Variants in DOCK3 observed in about 807,000 individuals in gnomAD.
The protein encoded by DOCK3 is dedicator of cytokinesis 3.
DOCK3 carries 60 observed loss-of-function variants against 265.6 expected under a neutral mutation model. The observed-to-expected ratio is 0.23, with a 90% CI of 0.18 to 0.28. The LOEUF (loss-of-function observed/expected upper bound fraction) is 0.28. Ranked by LOEUF, DOCK3 falls within the 10% of genes least tolerant of loss-of-function variation. DOCK3 has a pLI of 1.00. For missense variants in DOCK3, 1,981 were observed against 2,594.3 expected (o/e 0.76, Z 5.14); for synonymous variants, 881 against 938.0 (o/e 0.94, Z 1.11).
chr3:51,254,465 G>T (rs2079436916), intron 22 of DOCK3, among the ~76,000 whole-genome samples: 1 of 152,068 alleles, frequency 6.6e-6, no homozygotes, highest in South Asian at 2.1e-4. Flanking sequence ...TTGACAGTGG[G>T]GTGTTAAAGT....
intron 2 of DOCK3, among the ~76,000 whole-genome samples, chr3:50,813,078 CAT>C (rs1219288561): frequency 1.4e-4 from 22 of 152,316 alleles, no homozygotes; most frequent in African/African-American, 5.1e-4. Flanking sequence ...AACTTCTACA[CAT>C]GTACACATGA....
chr3:51,200,665 G>C (rs2088682337), intron 12 of DOCK3, among the ~76,000 whole-genome samples: 1 of 151,692 alleles, frequency 6.6e-6, no homozygotes, highest in Non-Finnish European at 1.5e-5. Flanking sequence ...TCAGGAAATA[G>C]ACAGAGAACG....
chr3:51,345,323 T>C (rs2085489424), intron 38 of DOCK3, among the ~76,000 whole-genome samples: 1 of 152,228 alleles, frequency 6.6e-6, no homozygotes, highest in African/African-American at 2.4e-5. Context: ...TTTGAAATTC[T>C]GTTTGGCTGG....
intron 5 of DOCK3, among the ~76,000 whole-genome samples, chr3:50,982,306 T>A (rs925223319): frequency 1.3e-5 from 2 of 152,210 alleles, no homozygotes; most frequent in Admixed American, 1.3e-4. Context: ...TTGTTAATTG[T>A]TTGCTGGTTA....
chr3:51,067,189 AC>A (rs2081622840), intron 6 of DOCK3, among the ~76,000 whole-genome samples: 2 of 152,358 alleles, frequency 1.3e-5, no homozygotes, highest in Non-Finnish European at 2.9e-5. Context: ...TTGCAGTTTA[AC>A]TGCAACTATA....
chr3:51,300,531 G>A (rs1199537488), intron 27 of DOCK3, among the ~76,000 whole-genome samples: 1 of 152,202 alleles, frequency 6.6e-6, no homozygotes, highest in African/African-American at 2.4e-5. Context: ...GATATTGGCT[G>A]TGGGTTTGTC....
intron 2 of DOCK3, among the ~76,000 whole-genome samples, chr3:50,818,396 C>A (rs2044213065): frequency 6.6e-6 from 1 of 152,236 alleles, no homozygotes; most frequent in African/African-American, 2.4e-5. Flanking sequence ...TTGGGTCTTA[C>A]ACTTCCAAAT....
intron 23 of DOCK3, among the ~76,000 whole-genome samples, chr3:51,264,566 A>G (rs2080050750): frequency 6.6e-6 from 1 of 152,062 alleles, no homozygotes; most frequent in Non-Finnish European, 1.5e-5. Context: ...GGTGGCTCAC[A>G]CCTGTAATCC....
intron 3 of DOCK3, among the ~76,000 whole-genome samples, chr3:50,884,003 C>T (rs533076804): frequency 6.6e-6 from 1 of 151,774 alleles, no homozygotes; most frequent in South Asian, 2.1e-4. Flanking sequence ...CATCTGCCTT[C>T]TTTCATTCAG....
intron 6 of DOCK3, among the ~76,000 whole-genome samples, chr3:51,071,606 T>A (rs1486051954): frequency 1.3e-5 from 2 of 152,218 alleles, no homozygotes; most frequent in Non-Finnish European, 2.9e-5. Flanking sequence ...GGGTCCTTTA[T>A]GTGGATTAAT....
intron 2 of DOCK3, among the ~76,000 whole-genome samples, chr3:50,836,300 A>G (rs1553679134): frequency 2.0e-5 from 3 of 152,188 alleles, no homozygotes; most frequent in Non-Finnish European, 4.4e-5. Context: ...CTGCCCCTGC[A>G]GCAGACTTCT....
chr3:50,937,456 C>T (rs566094777), intron 5 of DOCK3, among the ~76,000 whole-genome samples: 1 of 151,970 alleles, frequency 6.6e-6, no homozygotes, highest in East Asian at 1.9e-4. Flanking sequence ...AGATTGAGAC[C>T]ATCCTAGCTA....
At chr3:50,881,901 C>G (rs1324862896) in intron 3 of DOCK3, among the ~76,000 whole-genome samples, 1 of 152,184 alleles carries the variant, frequency 6.6e-6, no homozygotes, top group African/African-American at 2.4e-5. Flanking sequence ...CAGCATGGTA[C>G]TGGGACCAAA....
At chr3:50,709,295 T>G (rs1027697975) in intron 1 of DOCK3, among the ~76,000 whole-genome samples, 1 of 152,232 alleles carries the variant, frequency 6.6e-6, no homozygotes, top group South Asian at 2.1e-4. Flanking sequence ...TTTTTTTTAG[T>G]GGATTCCTTA....
At chr3:50,684,108 G>A (rs1293295023) in intron 1 of DOCK3, among the ~76,000 whole-genome samples, 2 of 152,036 alleles carry the variant, frequency 1.3e-5, no homozygotes, top group East Asian at 1.9e-4. Context: ...CTTGGGGAAT[G>A]TTAACTGAAA....
chr3:50,715,354 C>T (rs1232499290), intron 1 of DOCK3, among the ~76,000 whole-genome samples: 1 of 151,900 alleles, frequency 6.6e-6, no homozygotes, highest in Admixed American at 6.6e-5. Context: ...AGTTTGAGGC[C>T]AGCCTGGGCA....
intron 2 of DOCK3, among the ~76,000 whole-genome samples, chr3:50,797,302 A>C (rs1157177523): frequency 6.6e-6 from 1 of 152,158 alleles, no homozygotes; most frequent in African/African-American, 2.4e-5. Flanking sequence ...GTTATGGGGT[A>C]GTCACTCAGA....
In DOCK3 at chr3:50,869,780, A is replaced by C. The variant is rs538283603; in HGVS notation, c.163-20246A>C. On this transcript the variant is annotated intron_variant, in intron 3 of 52. Transcript: ENST00000266037. ...CATTCAGAGTTTTTCTTCTTTATTG[A>C]TGTAGGTACTTATACCTGTAAACTT... Among the ~76,000 whole-genome samples the C allele has an allele frequency of 5.1e-4, 78 of 152,122 alleles. 2 individuals are homozygous for C. The South Asian group carries it at 0.016, about 31-fold the overall frequency.
intron 22 of DOCK3, among the ~76,000 whole-genome samples, chr3:51,248,316 C>T (rs1027646714): frequency 2.0e-5 from 3 of 152,262 alleles, no homozygotes; most frequent in Non-Finnish European, 2.9e-5. Flanking sequence ...CCTCAGCCTG[C>T]GGAGTGCCTG....
Sources: allele counts gnomAD v4.1 joint callset (sites outside exome capture counted in the v4.1 genomes callset), GRCh38; gene constraint gnomAD v4.1.1; transcripts MANE v1.5; gene names NCBI Gene and HGNC (gene_info 2026-07-23, HGNC 2026-07-21).